The following PRCC variants were observed in gnomAD, a reference collection of about 807,000 sequenced individuals.
PRCC encodes the protein proline rich mitotic checkpoint control factor, also known as proline-rich protein PRCC.
PRCC carries 10 observed loss-of-function variants against 44.0 expected under a neutral mutation model. The observed-to-expected ratio is 0.23, with a 90% confidence interval of 0.14 to 0.39. The LOEUF is 0.39. PRCC is among the 10% of genes least tolerant of loss of function. PRCC has a pLI of 1.00. For missense variants in PRCC, 573 were observed against 624.7 expected (o/e 0.92, Z 0.88); for synonymous variants, 278 against 259.5 (o/e 1.07, Z -0.69).
At chr1:156,772,213 A>T (rs1339791137) in intron 1 of PRCC, among the ~76,000 whole-genome samples, 2 of 152,186 alleles carry the variant, frequency 1.3e-5, no homozygotes, top group African/African-American at 4.8e-5. Context: ...TAGGTGAAGG[A>T]TGGCCACCCA....
At chr1:156,791,827 C>G (rs200344732) in intron 4 of PRCC, 35 bp downstream of exon 4, 51 of 1,544,358 alleles carry the variant, frequency 3.3e-5, no homozygotes, top group Non-Finnish European at 4.4e-5. Context: ...CATCTTTGAC[C>G]GCTGGGCACC....
At chr1:156,784,182 C>T (rs1470452968) in intron 2 of PRCC, among the ~76,000 whole-genome samples, 2 of 152,104 alleles carry the variant, frequency 1.3e-5, no homozygotes, top group Admixed American at 6.5e-5. Context: ...CTCCTGACCT[C>T]GTGATCTGCC....
chr1:156,790,583 T>C (rs773064966), intron 3 of PRCC, among the ~76,000 whole-genome samples: 3 of 152,054 alleles, frequency 2.0e-5, no homozygotes, highest in Non-Finnish European at 2.9e-5. Context: ...GATGGCGCCA[T>C]TGCACTCCAG....
chr1:156,795,027 G>T (rs1041010408), intron 5 of PRCC, among the ~76,000 whole-genome samples: 12 of 152,150 alleles, frequency 7.9e-5, no homozygotes, highest in Admixed American at 2.6e-4. Context: ...TGGATGGGGG[G>T]TCTGGTTGCT....
At chr1:156,785,049 C>A (rs904195187) in intron 2 of PRCC, among the ~76,000 whole-genome samples, 2 of 151,978 alleles carry the variant, frequency 1.3e-5, no homozygotes, top group Admixed American at 1.3e-4. Context: ...ACAAAACTAC[C>A]TCTGTATGTA....
intron 1 of PRCC, among the ~76,000 whole-genome samples, chr1:156,777,412 G>T (rs967082142): frequency 6.6e-6 from 1 of 152,142 alleles, no homozygotes; most frequent in Non-Finnish European, 1.5e-5. Flanking sequence ...AATGAAAAAT[G>T]AGTAAATTGC....
intron 3 of PRCC, 47 bp downstream of exon 3, chr1:156,787,221 T>C: frequency 6.5e-7 from 1 of 1,544,208 alleles, no homozygotes; most frequent in Non-Finnish European, 8.8e-7. Context: ...TGGAACATGG[T>C]GGTCAAGGAG....
chr1:156,781,647 C>A (rs899625540), intron 1 of PRCC, among the ~76,000 whole-genome samples: 1 of 152,224 alleles, frequency 6.6e-6, no homozygotes, highest in Non-Finnish European at 1.5e-5. Context: ...ACACAGATGA[C>A]CTCCTGTCTT....
chr1:156,792,750 T>G (rs938107513), intron 4 of PRCC, among the ~76,000 whole-genome samples: 13 of 152,174 alleles, frequency 8.5e-5, no homozygotes, highest in African/African-American at 2.9e-4. Flanking sequence ...CCACTGCATC[T>G]AGCCGGCCAT....
rs147138886 is a variant in PRCC at position 156,768,943 on chromosome 1, C to A, written c.468+704C>A. Among the ~76,000 whole-genome samples the A allele has an allele frequency of 4.0e-3, 615 of 152,276 alleles. 3 individuals are homozygous for A. The highest frequency in any genetic ancestry group is 0.014 in the African/African-American group (579 of 41,540). The stretch of plus-strand genomic sequence containing the variant: ...CCTCAGATCTGTGCCTCATATTCAT[C>A]ATTTAGCTATGGTCAAAGCTAGGTG... On this transcript the variant is annotated intron_variant, in intron 1 of 6. Transcript: ENST00000271526.
Position 156,794,659 on chromosome 1 carries a change from T to C in PRCC, c.1180-6T>C. 1 of 1,613,918 alleles carries C rather than the reference T, an allele frequency of 6.2e-7. No homozygotes were observed. The highest frequency in any genetic ancestry group is 8.5e-7 in the Non-Finnish European group (1 of 1,179,932). ...TTCCTGACTCCTGCATTTTTTTCTT[T>C]TCCAGTTTAAGCGGCTGCAGGGCAA... On this transcript the variant is annotated splice_polypyrimidine_tract_variant and splice_region_variant and intron_variant, in intron 4 of 6. Transcript: ENST00000271526.
intron 3 of PRCC, chr1:156,791,123 C>T: frequency 7.0e-7 from 1 of 1,419,498 alleles, no homozygotes; most frequent in African/African-American, 1.4e-5. Flanking sequence ...GATTCCTGAA[C>T]TCAAAATCTG....
chr1:156,793,640 A>G (rs776760131), intron 4 of PRCC, among the ~76,000 whole-genome samples: 1 of 152,122 alleles, frequency 6.6e-6, no homozygotes, highest in Non-Finnish European at 1.5e-5. Flanking sequence ...GATACCGAAC[A>G]ATTAGAAGGA....
intron 1 of PRCC, among the ~76,000 whole-genome samples, chr1:156,771,080 G>T (rs11264545): frequency 0.34 from 52,225 of 151,836 alleles, 10,375 homozygotes; most frequent in East Asian, 0.73. Flanking sequence ...GGAGCCCTCT[G>T]GGGGGAGATG....
At chr1:156,794,839 C>T (rs367863817) in intron 5 of PRCC, 31 bp downstream of exon 5, 13 of 1,611,900 alleles carry the variant, frequency 8.1e-6, no homozygotes, top group Non-Finnish European at 1.1e-5. Context: ...GAGTGGTCAG[C>T]TTGGGAAGCT....
At chr1:156,779,240 C>T (rs1389921875) in intron 1 of PRCC, among the ~76,000 whole-genome samples, 2 of 144,692 alleles carry the variant, frequency 1.4e-5, no homozygotes, top group Non-Finnish European at 3.0e-5. Flanking sequence ...CTGTAACTTC[C>T]ACCTCCCAGG....
At chr1:156,792,826 A>G (rs1359727223) in intron 4 of PRCC, among the ~76,000 whole-genome samples, 1 of 152,140 alleles carries the variant, frequency 6.6e-6, no homozygotes, top group African/African-American at 2.4e-5. Flanking sequence ...TGCCTAGCAA[A>G]AATTTTGGAT....
chr1:156,768,590 A>G (rs1223066481), intron 1 of PRCC, among the ~76,000 whole-genome samples: 5 of 152,196 alleles, frequency 3.3e-5, no homozygotes, highest in African/African-American at 7.2e-5. Flanking sequence ...GAAATCTGGC[A>G]CCTGAAGAAT....
At chr1:156,787,260 G>A in intron 3 of PRCC, 86 bp downstream of exon 3, 4 of 1,411,544 alleles carry the variant, frequency 2.8e-6, no homozygotes, top group Non-Finnish European at 3.9e-6. Context: ...CAGCCTCTGT[G>A]GTGTCACTTT....
Sources: gnomAD v4.1 joint callset for allele counts (sites outside exome capture counted in the v4.1 genomes callset) on GRCh38, gnomAD v4.1.1 for gene constraint, MANE v1.5 for transcripts, NCBI Gene and HGNC (gene_info 2026-07-23, HGNC 2026-07-21) for gene names.